LARP4: variants seen among roughly 807,000 people sequenced by gnomAD.
LARP4 encodes La ribonucleoprotein 4.
A neutral mutation model predicts 92.9 loss-of-function variants in LARP4; 29 were observed. The observed-to-expected ratio is 0.31, with a 90% confidence interval of 0.23 to 0.43. The LOEUF (loss-of-function observed/expected upper bound fraction) is 0.43, where lower values mean the gene tolerates loss of function less well. LARP4 is among the 20% of genes least tolerant of loss of function. LARP4 has a pLI of 1.00. For synonymous variants in LARP4, 279 were observed against 284.1 expected (o/e 0.98, Z 0.18); for missense variants, 732 against 860.0 (o/e 0.85, Z 1.86).
In LARP4 at chr12:50,477,913, G is replaced by A. The variant is rs995262185; in HGVS notation, c.*2049G>A. The A allele has an allele frequency of 6.6e-6, 1 of 152,466 alleles. No individual in the cohort carries two copies. Among genetic ancestry groups the A allele is most frequent in the Admixed American group, 6.5e-5 (1 of 15,268 alleles). 9.4% of individuals were successfully genotyped at this position (152,466 alleles called of 1,614,324 possible). On this transcript the variant is annotated 3_prime_UTR_variant, in exon 16 of 16. Coordinates refer to ENST00000398473, the MANE Select transcript of LARP4 (RefSeq NM_052879.5). ...AATGCAGTTGGTGGAAATGATAAAC[G>A]TTTTAAGTGTTAACATCCTTTGAAT...
In LARP4 at chr12:50,467,031, C is replaced by T. The variant is rs201955736; in HGVS notation, c.1456C>T (p.Pro486Ser). ...TGACTTATTAGCCTCAAATTTTCCACCTTTACCTGGAAGTTCATCAAGAAT... is the reference window on the plus strand; with the variant it reads ...TGACTTATTAGCCTCAAATTTTCCATCTTTACCTGGAAGTTCATCAAGAAT... ...KFDLLASNFP[P>S]LPGSSSRMPG... is the part of the protein sequence containing the mutation. The change falls in exon 13 of 16, where the codon CCT becomes TCT. Residue 486 changes from proline (P) to serine (S), a missense_variant. Around this residue, in one of 7 missense-constraint regions of LARP4, gnomAD observed 264 missense variants for 269.5 expected, o/e 0.98. Transcript: ENST00000398473. 2.7e-5 allele frequency: 44 copies of T among 1,613,640 alleles called. No individual in the cohort carries two copies. Among genetic ancestry groups the T allele is most frequent in the Non-Finnish European group, 3.6e-5 (43 of 1,179,770 alleles).
chr12:50,440,400 G>A (rs1301864929), intron 6 of LARP4, 39 bp from the exon 7 acceptor site: 1 of 1,427,110 alleles, frequency 7.0e-7, no homozygotes, highest in Non-Finnish European at 9.9e-7. Context: ...AATTATTGAT[G>A]TATTTTTTAG....
intron 9 of LARP4, 95 bp from the exon 10 acceptor site, chr12:50,454,219 A>C: frequency 1.2e-6 from 1 of 850,382 alleles, no homozygotes; most frequent in Admixed American, 3.0e-5. Flanking sequence ...TTGGCTTGTA[A>C]AAGATAAATT....
At chr12:50,419,861 C>T (rs1366316087) in intron 1 of LARP4, among the ~76,000 whole-genome samples, 1 of 151,994 alleles carries the variant, frequency 6.6e-6, no homozygotes, top group Non-Finnish European at 1.5e-5. Context: ...GCTGTGATCA[C>T]GCCCCTGCGC....
At chr12:50,475,447 T>A in intron 15 of LARP4, 79 bp from the exon 16 acceptor site, 2 of 1,234,644 alleles carry the variant, frequency 1.6e-6, no homozygotes, top group Non-Finnish European at 2.3e-6. Context: ...GGTTTTCTTA[T>A]GGTTAACACA....
At chr12:50,441,773 G>A (rs1016546595) in intron 8 of LARP4, 130 bp downstream of exon 8, 2 of 726,120 alleles carry the variant, frequency 2.8e-6, no homozygotes, top group Non-Finnish European at 4.5e-6. Flanking sequence ...CTTGGTCCAG[G>A]CGTGGTGGCT....
At chr12:50,422,781 A>ATATTATTATTAT (rs145036648) in intron 1 of LARP4, among the ~76,000 whole-genome samples, 2 of 138,610 alleles carry the variant, frequency 1.4e-5, no homozygotes, top group Admixed American at 7.5e-5. Flanking sequence ...TTGGGAAATT[A>ATATTATTATTAT]TATTATTATT....
chr12:50,472,429 T>C (rs908802661), intron 13 of LARP4, among the ~76,000 whole-genome samples: 2 of 152,194 alleles, frequency 1.3e-5, no homozygotes, highest in African/African-American at 4.8e-5. Context: ...TATTTGTCTT[T>C]CTATGACTGG....
chr12:50,444,873 G>A (rs530934624), intron 8 of LARP4, among the ~76,000 whole-genome samples: 12 of 152,196 alleles, frequency 7.9e-5, no homozygotes, highest in Admixed American at 4.6e-4. Context: ...AACCAGCAAC[G>A]AATTCTCTTA....
chr12:50,407,112 G>A lies in LARP4; in HGVS notation c.18+6084G>A, dbSNP rs143103531. Among the ~76,000 whole-genome samples the A allele has an allele frequency of 9.4e-4, 143 of 151,950 alleles. 1 individual carries two copies. In the East Asian group the frequency reaches 0.027, roughly 29 times the overall value. ...ATGATCTCGGCTCACTGCAACCTCC[G>A]CCTCCTGGGTTCAAGCGATTCTTCT... On this transcript the variant is annotated intron_variant, in intron 1 of 15. Coordinates refer to ENST00000398473, the MANE Select transcript of LARP4 (RefSeq NM_052879.5).
intron 3 of LARP4, 63 bp downstream of exon 3, chr12:50,429,153 C>A: frequency 8.8e-7 from 1 of 1,142,740 alleles, no homozygotes; most frequent in Non-Finnish European, 1.3e-6. Context: ...CACCCATGGT[C>A]TCTTTATACT....
intron 1 of LARP4, among the ~76,000 whole-genome samples, chr12:50,418,815 C>T (rs1947275650): frequency 6.6e-6 from 1 of 152,154 alleles, no homozygotes; most frequent in Admixed American, 6.6e-5. Context: ...GTCTCCCAGA[C>T]TCAAGCAATC....
intron 15 of LARP4, among the ~76,000 whole-genome samples, chr12:50,474,520 TG>T (rs1378642963): frequency 6.6e-6 from 1 of 152,152 alleles, no homozygotes; most frequent in Non-Finnish European, 1.5e-5. Context: ...GCTAATTTTT[TG>T]TATTTTTAGT....
At chr12:50,436,569 TA>T (rs1950496914) in intron 5 of LARP4, among the ~76,000 whole-genome samples, 1 of 152,232 alleles carries the variant, frequency 6.6e-6, no homozygotes, top group Non-Finnish European at 1.5e-5. Context: ...TACAACCTAC[TA>T]ATGAGTTGCT....
intron 1 of LARP4, among the ~76,000 whole-genome samples, chr12:50,417,924 G>T (rs574554641): frequency 6.6e-6 from 1 of 152,090 alleles, no homozygotes; most frequent in Admixed American, 6.6e-5. Flanking sequence ...GTAATGGCGC[G>T]ATCTTGGTTC....
Position 50,437,763 on chromosome 12 carries a change from G to A in LARP4, c.564G>A (p.Lys188=). 1 of 1,611,642 alleles carries A rather than the reference G, an allele frequency of 6.2e-7. No homozygotes were observed. Among genetic ancestry groups the A allele is most frequent in the Non-Finnish European group, 8.5e-7 (1 of 1,178,148 alleles). ...CTCCCATGGTACAAGTTGATGAGAA[G>A]GGTGAGAAAGTGAGACCAAGTCATA... ...RSSPMVQVDE[K]GEKVRPSHKR... The change falls in exon 6 of 16, where the codon AAG becomes AAA. Residue 188 remains lysine, a synonymous_variant. Transcript: ENST00000398473.
At chr12:50,473,346 TTATTAG>T in intron 13 of LARP4, 63 bp from the exon 14 acceptor site, 1 of 1,164,074 alleles carries the variant, frequency 8.6e-7, no homozygotes, top group Non-Finnish European at 1.3e-6. Flanking sequence ...TCTCTTGTGC[TTATTAG>T]ACGTGTATAT....
chr12:50,444,895 A>G (rs555133550), intron 8 of LARP4, among the ~76,000 whole-genome samples: 22 of 152,128 alleles, frequency 1.4e-4, no homozygotes, highest in Middle Eastern at 3.4e-3. Flanking sequence ...TTTTTCCTTA[A>G]CTAAAAATGT....
intron 13 of LARP4, among the ~76,000 whole-genome samples, chr12:50,469,205 C>A (rs969506077): frequency 6.6e-6 from 1 of 152,060 alleles, no homozygotes; most frequent in Non-Finnish European, 1.5e-5. Context: ...TGTCTTGTTT[C>A]TTTAAAAAAA....
Sources: gnomAD v4.1 joint callset for allele counts (sites outside exome capture counted in the v4.1 genomes callset) on GRCh38, gnomAD v4.1.1 for gene constraint, gnomAD v4.1.1 regional missense constraint, MANE v1.5 for transcripts, NCBI Gene and HGNC (gene_info 2026-07-23, HGNC 2026-07-21) for gene names.